The following MAP4K1 variants were observed in gnomAD, a reference collection of about 807,000 sequenced individuals.
MAP4K1 encodes MAPK/ERK kinase kinase kinase 1.
MAP4K1 carries 35 observed loss-of-function variants against 122.8 expected under a neutral mutation model. The observed-to-expected ratio is 0.29, with a 90% CI of 0.22 to 0.38. The LOEUF (loss-of-function observed/expected upper bound fraction) is 0.38. Among genes scored for constraint, MAP4K1 ranks in the 10% least tolerant of loss-of-function variants. The pLI, the probability that MAP4K1 is intolerant of heterozygous loss-of-function variation, is 1.00. For synonymous variants in MAP4K1, 412 were observed against 421.3 expected, an observed-to-expected ratio of 0.98 and a Z score of 0.27; for missense variants, 791 against 1,072.6, an observed-to-expected ratio of 0.74 and a Z score of 3.67.
Position 38,597,256 on chromosome 19 carries a change from G to C in MAP4K1, c.1837+70C>G. 6.2e-7 allele frequency: 1 copy of C among 1,602,226 alleles called. No homozygotes were observed. The highest frequency in any genetic ancestry group is 8.5e-7 in the Non-Finnish European group (1 of 1,170,130). On this transcript the variant is annotated intron_variant, in intron 24 of 30. Coordinates refer to ENST00000396857, the MANE Select transcript of MAP4K1 (RefSeq NM_001042600.3). The surrounding 1 kb of genome is among the most constrained non-coding windows in gnomAD (Gnocchi z 4.6). ...CTTAACTCTGTAACCTTCTCAGGTG[G>C]ATGCAGTTCAAGCCCCTCCTCTGGC...
intron 19 of MAP4K1, among the ~76,000 whole-genome samples, chr19:38,602,843 T>C (rs189614957): frequency 6.7e-6 from 1 of 148,610 alleles, no homozygotes; most frequent in Admixed American, 6.8e-5. Flanking sequence ...CGCATATACA[T>C]ATATACACAT....
chr19:38,604,934 A>T (rs1975279107), intron 19 of MAP4K1, among the ~76,000 whole-genome samples: 1 of 151,550 alleles, frequency 6.6e-6, no homozygotes, highest in African/African-American at 2.4e-5. Context: ...TAAAAATACA[A>T]AATTAGCCGG....
At chr19:38,591,371 AAAC>A (rs1974721839) in intron 30 of MAP4K1, among the ~76,000 whole-genome samples, 1 of 151,660 alleles carries the variant, frequency 6.6e-6, no homozygotes, top group Non-Finnish European at 1.5e-5. Context: ...TCTACTAAAA[AAAC>A]AAAAAAATTA....
chr19:38,588,040 G>A (rs1316972520), intron 30 of MAP4K1, among the ~76,000 whole-genome samples: 1 of 151,922 alleles, frequency 6.6e-6, no homozygotes, highest in African/African-American at 2.4e-5. Flanking sequence ...GTCTGGCAGG[G>A]AAACCTAACC....
At chr19:38,599,166 T>TA (rs1974983893) in intron 22 of MAP4K1, among the ~76,000 whole-genome samples, 1 of 133,112 alleles carries the variant, frequency 7.5e-6, no homozygotes, top group Admixed American at 7.8e-5. Context: ...CCATCTCTAC[T>TA]AAAAATAAAA....
intron 29 of MAP4K1, among the ~76,000 whole-genome samples, chr19:38,594,453 A>C (rs1379643052): frequency 6.6e-6 from 1 of 152,112 alleles, no homozygotes; most frequent in Non-Finnish European, 1.5e-5. Context: ...CAGTCTGGCC[A>C]ACATGACAAA....
At chr19:38,613,825 A>C in intron 8 of MAP4K1, 55 bp downstream of exon 8, 1 of 1,379,992 alleles carries the variant, frequency 7.2e-7, no homozygotes. Context: ...GAACCAGGGT[A>C]GGAAAAACCA....
chr19:38,588,032 C>G (rs1974579332), intron 30 of MAP4K1, among the ~76,000 whole-genome samples: 1 of 151,740 alleles, frequency 6.6e-6, no homozygotes, highest in Admixed American at 6.6e-5. Context: ...CATGGCATGT[C>G]TGGCAGGGAA....
In MAP4K1 at chr19:38,602,859, TATATACAC is replaced by T. The variant is rs1300687948; in HGVS notation, c.1447-1342_1447-1335del. ...GCATATACATATATACACATATACATATATACACATGTACATATATACTTATATACACA... is the reference window on the plus strand; with the variant it reads ...GCATATACATATATACACATATACATATGTACATATATACTTATATACACA... On this transcript the variant is annotated intron_variant, in intron 19 of 30. Coordinates refer to ENST00000396857, the MANE Select transcript of MAP4K1 (RefSeq NM_001042600.3). Among the ~76,000 whole-genome samples, 27 of 148,736 alleles carry T rather than the reference TATATACAC, an allele frequency of 1.8e-4. No individual in the cohort carries two copies. The East Asian group carries it at 4.9e-3, about 27-fold the overall frequency.
At chr19:38,603,555 C>T (rs529075290) in intron 19 of MAP4K1, among the ~76,000 whole-genome samples, 11 of 152,052 alleles carry the variant, frequency 7.2e-5, no homozygotes, top group African/African-American at 1.9e-4. Context: ...TACTTTTAGC[C>T]GGTAGCCAAC....
intron 19 of MAP4K1, among the ~76,000 whole-genome samples, chr19:38,602,751 T>G (rs1975130966): frequency 6.7e-6 from 1 of 148,260 alleles, no homozygotes; most frequent in South Asian, 2.1e-4. Context: ...TATACACATG[T>G]ACATATATAC....
chr19:38,603,367 CATATACAT>C (rs1975218506), intron 19 of MAP4K1, among the ~76,000 whole-genome samples: 1 of 150,214 alleles, frequency 6.7e-6, no homozygotes, highest in Non-Finnish European at 1.5e-5. Flanking sequence ...TATATACACA[CATATACAT>C]ATATACACAT....
chr19:38,593,170 C>T, intron 30 of MAP4K1, 112 bp downstream of exon 30: 1 of 955,352 alleles, frequency 1.0e-6, no homozygotes, highest in Non-Finnish European at 1.5e-6. Context: ...AGCAGGGTGA[C>T]CAGGTGAGAC....
At chr19:38,616,113 G>T in intron 4 of MAP4K1, 82 bp downstream of exon 4, 1 of 1,003,458 alleles carries the variant, frequency 1.0e-6, no homozygotes, top group Non-Finnish European at 1.5e-6. Flanking sequence ...TACACACACA[G>T]AGACGGAAGA....
At position 38,593,285 on chromosome 19, in the gene MAP4K1, G is replaced by C. The variant is rs951684177; in HGVS notation, c.2393C>G (p.Pro798Arg). The C allele has an allele frequency of 3.7e-6, 6 of 1,611,882 alleles. No individual in the cohort carries two copies. The highest frequency in any genetic ancestry group is 4.2e-6 in the Non-Finnish European group (5 of 1,178,974). ...PTLTFRLLGS[P>R]RPVVVETRPV... ...TGCACCCCACCCCACAACATACCTG[G>C]GGGAGCCAAGCAGACGGAAAGTGAG... The change falls in exon 30 of 31, where the codon CCC (proline) becomes CGC (arginine). Residue 798 changes from proline (P) to arginine (R), a missense_variant. Transcript: ENST00000396857.
chr19:38,588,669 G>A (rs1043277088), intron 30 of MAP4K1, among the ~76,000 whole-genome samples: 4 of 150,684 alleles, frequency 2.7e-5, no homozygotes, highest in East Asian at 2.0e-4. Flanking sequence ...GGAGAATGGC[G>A]TGAACCTGGG....
At chr19:38,590,397 ATATATATATATATATATAT>A (rs1974688524) in intron 30 of MAP4K1, among the ~76,000 whole-genome samples, 3 of 29,762 alleles carry the variant, frequency 1.0e-4, no homozygotes, top group African/African-American at 5.7e-4. Context: ...AAAAAAAAAT[ATATATATATATATATATAT>A]ATATATATAT....
intron 4 of MAP4K1, 112 bp downstream of exon 4, chr19:38,616,083 G>A (rs1975640514): frequency 1.4e-6 from 1 of 730,490 alleles, no homozygotes; most frequent in Admixed American, 3.2e-5. Context: ...ATATGGCCCA[G>A]AAAGACAGTT....
Position 38,587,655 on chromosome 19 carries a change from C to A in MAP4K1, c.*93G>T. 9.4e-7 allele frequency: 1 copy of A among 1,065,736 alleles called. No homozygotes were observed. Among genetic ancestry groups the A allele is most frequent in the South Asian group, 1.3e-5 (1 of 77,496 alleles). 66.0% of individuals were successfully genotyped at this position (1,065,736 alleles called of 1,614,324 possible). A position where few individuals can be genotyped will look rare whatever the true frequency, so the allele number is the denominator to read the frequency against. ...ACAAGATGACAGCAGAGGCTAAAGT[C>A]ATGTTTATTGGGAGATGAGGACATG... is the stretch of plus-strand genomic sequence containing the variant. On this transcript the variant is annotated 3_prime_UTR_variant, in exon 31 of 31. Coordinates refer to ENST00000396857, the MANE Select transcript of MAP4K1 (RefSeq NM_001042600.3).
Sources: allele counts gnomAD v4.1 joint callset (sites outside exome capture counted in the v4.1 genomes callset), GRCh38; gene constraint gnomAD v4.1.1; non-coding constraint Gnocchi (gnomAD v3.1); transcripts MANE v1.5; gene names NCBI Gene and HGNC (gene_info 2026-07-23, HGNC 2026-07-21).